KITLG: variants seen among roughly 807,000 people sequenced by gnomAD.
KITLG encodes the protein KIT ligand, also known as c-Kit ligand.
KITLG carries 13 observed loss-of-function variants against 34.1 expected under a neutral mutation model. That is an observed-to-expected ratio of 0.38 (90% CI 0.25 to 0.61). The LOEUF (loss-of-function observed/expected upper bound fraction) is 0.61. Ranked by LOEUF, KITLG falls within the 20% of genes least tolerant of loss-of-function variation. The probability of loss-of-function intolerance (pLI) is 0.60; values close to 1 mark genes in which losing one functional copy is unlikely to be tolerated. For synonymous variants in KITLG, 110 were observed against 104.0 expected (o/e 1.06, Z -0.35); for missense variants, 292 against 318.9 (o/e 0.92, Z 0.64).
Position 88,495,150 on chromosome 12 carries a change from G to T in KITLG, c.*2069C>A, listed in dbSNP as rs1272416983. 3 of 151,940 alleles carry T rather than the reference G, an allele frequency of 2.0e-5. No individual in the cohort carries two copies. The highest frequency in any genetic ancestry group is 4.4e-5 in the Non-Finnish European group (3 of 67,940). 9.4% of individuals were successfully genotyped at this position (151,940 alleles called of 1,614,324 possible). A position where few individuals can be genotyped will look rare whatever the true frequency, so the allele number is the denominator to read the frequency against. On this transcript the variant is annotated 3_prime_UTR_variant, in exon 10 of 10. Transcript: ENST00000644744. ...ATTGATTAAGACCATGTCCATGAGTGTTAAAACCCAGCTACTAGGTTTGAG... is the reference window on the plus strand; with the variant it reads ...ATTGATTAAGACCATGTCCATGAGTTTTAAAACCCAGCTACTAGGTTTGAG...
chr12:88,542,187 T>C (rs937399644), intron 2 of KITLG, among the ~76,000 whole-genome samples: 2 of 152,138 alleles, frequency 1.3e-5, no homozygotes, highest in Non-Finnish European at 2.9e-5. Context: ...CCTCCAAGTT[T>C]CTCTAATTTA....
rs150122061 is a variant in KITLG, at chr12:88,514,028, C to A, written c.604+1506G>T. 3.4e-3 allele frequency among the ~76,000 whole-genome samples: 512 copies of A among 151,584 alleles called. 4 individuals carry two copies. The highest frequency in any genetic ancestry group is 0.012 in the African/African-American group (495 of 41,464). ...GACAACAAAATTCATAGACTAGTAA[C>A]AATAAGATATATAGGAAAATCTCAA... On this transcript the variant is annotated intron_variant, in intron 6 of 9. Coordinates refer to ENST00000644744, the MANE Select transcript of KITLG (RefSeq NM_000899.5).
intron 1 of KITLG, 89 bp from the exon 2 acceptor site, chr12:88,545,954 A>G (rs1463237541): frequency 2.7e-5 from 21 of 792,454 alleles, no homozygotes; most frequent in Non-Finnish European, 4.7e-5. Context: ...TGATGCACAA[A>G]AAGACCAGTC....
intron 1 of KITLG, among the ~76,000 whole-genome samples, chr12:88,572,636 T>G (rs12369778): frequency 0.68 from 99,477 of 146,412 alleles, 37,267 homozygotes; most frequent in Middle Eastern, 0.87. Flanking sequence ...TACAAAGATA[T>G]TGGAAGAATT....
chr12:88,522,629 T>C (rs1426779092), intron 3 of KITLG, among the ~76,000 whole-genome samples: 1 of 152,002 alleles, frequency 6.6e-6, no homozygotes, highest in Non-Finnish European at 1.5e-5. Context: ...GATTTCACCA[T>C]GTTGGCTAGG....
intron 1 of KITLG, among the ~76,000 whole-genome samples, chr12:88,558,315 C>T (rs1320042913): frequency 6.6e-6 from 1 of 151,776 alleles, no homozygotes; most frequent in Admixed American, 6.6e-5. Context: ...GTTCCCCCCA[C>T]CCCTCACGAC....
intron 1 of KITLG, among the ~76,000 whole-genome samples, chr12:88,550,461 C>G (rs749098562): frequency 3.9e-5 from 6 of 152,076 alleles, no homozygotes; most frequent in African/African-American, 1.4e-4. Flanking sequence ...TCAGGCAGAG[C>G]GCTGGAATGT....
At chr12:88,509,167 A>G (rs529888633) in intron 6 of KITLG, among the ~76,000 whole-genome samples, 1 of 152,302 alleles carries the variant, frequency 6.6e-6, no homozygotes, top group South Asian at 2.1e-4. Flanking sequence ...TTAAAATCCA[A>G]TGGAAAACTC....
At chr12:88,576,703 C>G (rs1871838098) in intron 1 of KITLG, among the ~76,000 whole-genome samples, 1 of 152,094 alleles carries the variant, frequency 6.6e-6, no homozygotes, top group Non-Finnish European at 1.5e-5. Flanking sequence ...TAGAATCCTT[C>G]TACCAACCAT....
intron 1 of KITLG, 188 bp from the exon 2 acceptor site, chr12:88,546,053 AT>A (rs1204907608): frequency 5.8e-6 from 4 of 693,282 alleles, no homozygotes; most frequent in Non-Finnish European, 1.1e-5. Context: ...GTTAAAATCC[AT>A]TTTGAATTAT....
chr12:88,510,039 C>T (rs1231992413), intron 6 of KITLG, among the ~76,000 whole-genome samples: 1 of 152,170 alleles, frequency 6.6e-6, no homozygotes, highest in Admixed American at 6.5e-5. Context: ...TCCCAAATTC[C>T]TGGGTTATTA....
intron 8 of KITLG, 39 bp from the exon 9 acceptor site, chr12:88,505,274 T>G (rs572328763): frequency 5.7e-5 from 87 of 1,520,980 alleles, no homozygotes; most frequent in Non-Finnish European, 7.7e-5. Flanking sequence ...TTGCTCTTGG[T>G]CAGAGATTCT....
chr12:88,550,166 C>G (rs190315792), intron 1 of KITLG, among the ~76,000 whole-genome samples: 234 of 152,212 alleles, frequency 1.5e-3, no homozygotes, highest in African/African-American at 5.3e-3. Flanking sequence ...AGTTTTCCTT[C>G]AAAGGAGAGC....
intron 3 of KITLG, among the ~76,000 whole-genome samples, chr12:88,528,116 T>A (rs1054499265): frequency 6.6e-6 from 1 of 152,228 alleles, no homozygotes; most frequent in Non-Finnish European, 1.5e-5. Context: ...GGGCTGTGTT[T>A]CTTTTGGATG....
chr12:88,502,818 G>A (rs986812010), intron 9 of KITLG, among the ~76,000 whole-genome samples: 1 of 151,902 alleles, frequency 6.6e-6, no homozygotes, highest in Non-Finnish European at 1.5e-5. Context: ...GAGCATTTGA[G>A]CATTTAAGAC....
intron 1 of KITLG, among the ~76,000 whole-genome samples, chr12:88,561,596 T>C (rs559507529): frequency 6.6e-6 from 1 of 152,336 alleles, no homozygotes; most frequent in Admixed American, 6.5e-5. Context: ...TGGGAATATA[T>C]AAAACATGAT....
At chr12:88,528,184 C>T (rs1492356) in intron 3 of KITLG, among the ~76,000 whole-genome samples, 12,825 of 152,168 alleles carry the variant, frequency 0.084, 570 homozygotes, top group Non-Finnish European at 0.1. Context: ...CATGTGCGTT[C>T]CTTGGCTTGT....
At chr12:88,502,713 G>A (rs1331563161) in intron 9 of KITLG, among the ~76,000 whole-genome samples, 5 of 152,148 alleles carry the variant, frequency 3.3e-5, no homozygotes, top group South Asian at 2.1e-4. Context: ...GTCATGGGAC[G>A]AATGTCGTAA....
At chr12:88,568,814 AAAG>A (rs1283448091) in intron 1 of KITLG, among the ~76,000 whole-genome samples, 1 of 152,206 alleles carries the variant, frequency 6.6e-6, no homozygotes, top group African/African-American at 2.4e-5. Flanking sequence ...TTTTTAAAAA[AAAG>A]AAGGGAAAGA....
Sources: allele counts gnomAD v4.1 joint callset (sites outside exome capture counted in the v4.1 genomes callset), GRCh38; gene constraint gnomAD v4.1.1; transcripts MANE v1.5; gene names NCBI Gene and HGNC (gene_info 2026-07-23, HGNC 2026-07-21).